The following SLA variants were observed in gnomAD, a reference collection of about 807,000 sequenced individuals.
SLA encodes the protein Src like adaptor.
SLA carries 16 observed loss-of-function variants against 30.3 expected under a neutral mutation model. That is an observed-to-expected ratio of 0.53 (90% CI 0.36 to 0.80). The LOEUF (loss-of-function observed/expected upper bound fraction) is 0.80. SLA is among the 30% of genes least tolerant of loss of function. The pLI is 0.01. For synonymous variants in SLA, 143 were observed against 137.8 expected (o/e 1.04, Z -0.26); for missense variants, 310 against 345.2 (o/e 0.90, Z 0.81).
chr8:133,055,542 C>G (rs1371440426), intron 3 of SLA, among the ~76,000 whole-genome samples: 1 of 152,026 alleles, frequency 6.6e-6, no homozygotes, highest in African/African-American at 2.4e-5. Flanking sequence ...GTGTTTGAGA[C>G]CCGGTAGCCC....
intron 1 of SLA, among the ~76,000 whole-genome samples, chr8:133,076,996 G>A (rs1203988721): frequency 1.3e-5 from 2 of 152,100 alleles, no homozygotes; most frequent in Admixed American, 6.6e-5. Flanking sequence ...CAATTATGGC[G>A]ACCCATCAAA....
intron 1 of SLA, among the ~76,000 whole-genome samples, chr8:133,090,391 C>G (rs986280083): frequency 6.6e-6 from 1 of 152,164 alleles, no homozygotes; most frequent in Non-Finnish European, 1.5e-5. Flanking sequence ...CCTGATTTAA[C>G]TTCATAGTGC....
intron 2 of SLA, among the ~76,000 whole-genome samples, chr8:133,065,180 C>T (rs73361254): frequency 0.036 from 5,414 of 152,186 alleles, 228 homozygotes; most frequent in African/African-American, 0.098. Flanking sequence ...ACCAGAACAC[C>T]CCCATCCCAC....
rs2703006 is a variant in SLA, at chr8:133,074,970, T to C, written c.-158A>G. ...CTCCAGAATAAACAGGCAGCCGGGC[T>C]TCTCGCGGTTGTGGAGAAGCAGCCC... On this transcript the variant is annotated 5_prime_UTR_variant, in exon 2 of 9. Transcript: ENST00000338087. 0.8 allele frequency: 792,525 copies of C among 985,334 alleles called. 319,725 individuals carry two copies. The highest frequency in any genetic ancestry group is 0.96 in the African/African-American group (55,197 of 57,318). The allele number at this position is 985,334 out of a possible 1,614,324, so 61.0% of individuals were successfully genotyped here.
At chr8:133,054,400 G>A (rs888433172) in intron 3 of SLA, among the ~76,000 whole-genome samples, 3 of 152,236 alleles carry the variant, frequency 2.0e-5, no homozygotes, top group East Asian at 1.9e-4. Flanking sequence ...TCCCACCTCC[G>A]CCACTACACA....
At chr8:133,047,529 C>T (rs1361817962) in intron 6 of SLA, 5 of 406,708 alleles carry the variant, frequency 1.2e-5, no homozygotes, top group Non-Finnish European at 2.3e-5. Context: ...GCACAGCATG[C>T]TGCCTACACA....
chr8:133,038,573 C>T lies in SLA; in HGVS notation c.782G>A (p.Ser261Asn), dbSNP rs779703265. The T allele has an allele frequency of 6.2e-7, 1 of 1,614,090 alleles. No individual in the cohort carries two copies. The highest frequency in any genetic ancestry group is 8.5e-7 in the Non-Finnish European group (1 of 1,179,950). Residue 261 changes from serine (S) to asparagine (N), a missense_variant, in exon 9 of 9, where the codon AGC (serine) becomes AAC (asparagine). Coordinates refer to ENST00000338087, the MANE Select transcript of SLA (RefSeq NM_001045556.3). Reference sequence around the variant, plus strand: ...TGAGAAGAATGAGCTCTTTCTCTTGCTGCCACCATACATCAGGGAGATGCT... The same window carrying T: ...TGAGAAGAATGAGCTCTTTCTCTTGTTGCCACCATACATCAGGGAGATGCT... ...KKSISLMYGG[S>N]KRKSSFFSSP...
chr8:133,096,075 C>T (rs1357775154), intron 1 of SLA: 14 of 1,128,940 alleles, frequency 1.2e-5, no homozygotes, highest in Non-Finnish European at 1.7e-5. Context: ...GCCAGTTGTC[C>T]TGGTCACTTT....
intron 5 of SLA, chr8:133,048,812 G>A (rs1220010976): frequency 2.9e-5 from 5 of 171,620 alleles, no homozygotes; most frequent in African/African-American, 1.2e-4. Flanking sequence ...AAGCATGGAA[G>A]TGGCATCTGG....
intron 2 of SLA, among the ~76,000 whole-genome samples, chr8:133,067,848 GAGAGAGAA>G (rs1325935011): frequency 8.1e-6 from 1 of 123,500 alleles, no homozygotes; most frequent in African/African-American, 3.5e-5. Flanking sequence ...GAGACAGAGA[GAGAGAGAA>G]AGAAAGAAAG....
chr8:133,051,665 A>G (rs1285664044), intron 3 of SLA, among the ~76,000 whole-genome samples: 1 of 152,164 alleles, frequency 6.6e-6, no homozygotes, highest in Non-Finnish European at 1.5e-5. Context: ...TCCTGACTGT[A>G]GAGGAGAGAC....
chr8:133,092,613 A>G (rs372784908), intron 1 of SLA, among the ~76,000 whole-genome samples: 1 of 152,110 alleles, frequency 6.6e-6, no homozygotes, highest in African/African-American at 2.4e-5. Flanking sequence ...CCTATAACGT[A>G]TGGTTGATTG....
chr8:133,071,164 G>C (rs1843953629), intron 2 of SLA, among the ~76,000 whole-genome samples: 1 of 152,220 alleles, frequency 6.6e-6, no homozygotes, highest in Non-Finnish European at 1.5e-5. Flanking sequence ...GGGGGCACCA[G>C]TGCGTATTGA....
intron 3 of SLA, among the ~76,000 whole-genome samples, chr8:133,053,383 G>A (rs535617964): frequency 6.6e-6 from 1 of 152,324 alleles, no homozygotes; most frequent in East Asian, 1.9e-4. Context: ...TACAAAGGAT[G>A]CTCAAAGCAG....
At position 133,095,085 on chromosome 8, in the gene SLA, G is replaced by A. The variant is rs1424659960; in HGVS notation, c.-319+7468C>T. The A allele has an allele frequency of 6.2e-7, 1 of 1,614,196 alleles. No individual in the cohort carries two copies. Among genetic ancestry groups the A allele is most frequent in the Non-Finnish European group, 8.5e-7 (1 of 1,180,044 alleles). Reference sequence around the variant, plus strand: ...CCCCGGCCGCCGTCATCAGCCATGAGAGGGCTCAGCAGCAGGCAATTGCTT... The same window carrying A: ...CCCCGGCCGCCGTCATCAGCCATGAAAGGGCTCAGCAGCAGGCAATTGCTT... On this transcript the variant is annotated intron_variant, in intron 1 of 8. Transcript: ENST00000338087.
At position 133,089,814 on chromosome 8, in the gene SLA, C is replaced by T. The variant is rs184718785; in HGVS notation, c.-319+12739G>A. Among the ~76,000 whole-genome samples the T allele has an allele frequency of 1.2e-4, 19 of 152,264 alleles. No individual in the cohort carries two copies. The East Asian group carries it at 2.9e-3, about 23-fold the overall frequency. On this transcript the variant is annotated intron_variant, in intron 1 of 8. Coordinates refer to ENST00000338087, the MANE Select transcript of SLA (RefSeq NM_001045556.3). ...ATCAGCCTCTGACCCCACTGCCATCCCTGCCCACTCCCCCTCGGAATGGTC... is the reference window on the plus strand; with the variant it reads ...ATCAGCCTCTGACCCCACTGCCATCTCTGCCCACTCCCCCTCGGAATGGTC...
intron 3 of SLA, among the ~76,000 whole-genome samples, chr8:133,057,558 G>C (rs1010864759): frequency 6.6e-6 from 1 of 152,046 alleles, no homozygotes. Context: ...CTGTGAGGAG[G>C]GACTTGTTCC....
intron 1 of SLA, chr8:133,087,855 C>T (rs368294475): frequency 8.5e-5 from 13 of 152,080 alleles, no homozygotes; most frequent in Non-Finnish European, 1.8e-4. Context: ...TGAGACAGCA[C>T]GGAATCATGG....
intron 2 of SLA, among the ~76,000 whole-genome samples, chr8:133,071,394 A>G (rs1023703051): frequency 1.3e-5 from 2 of 152,204 alleles, no homozygotes; most frequent in African/African-American, 4.8e-5. Context: ...CCGTGTCCTT[A>G]GGCCTGAGGA....
Sources: gnomAD v4.1 joint callset for allele counts (sites outside exome capture counted in the v4.1 genomes callset) on GRCh38, gnomAD v4.1.1 for gene constraint, MANE v1.5 for transcripts, NCBI Gene and HGNC (gene_info 2026-07-23, HGNC 2026-07-21) for gene names.